The following SULT1B1 variants were observed in gnomAD, a reference collection of about 807,000 sequenced individuals.
SULT1B1 encodes sulfotransferase family 1B member 1, also known as sulfotransferase 1B1.
In SULT1B1, 28 loss-of-function variants were observed where a neutral mutation model predicts 34.6. That is an observed-to-expected ratio of 0.81 (90% CI 0.60 to 1.11). The LOEUF (loss-of-function observed/expected upper bound fraction) is 1.11. Ranked by LOEUF, SULT1B1 falls within the 50% of genes least tolerant of loss-of-function variation. The pLI, the probability that SULT1B1 is intolerant of heterozygous loss-of-function variation, is 0.00. For synonymous variants in SULT1B1, 147 were observed against 110.2 expected, an observed-to-expected ratio of 1.33 and a Z score of -2.09; for missense variants, 374 against 352.2, an observed-to-expected ratio of 1.06 and a Z score of -0.50.
chr4:69,746,702 C>T (rs1718760049), intron 4 of SULT1B1, among the ~76,000 whole-genome samples: 1 of 152,162 alleles, frequency 6.6e-6, no homozygotes, highest in Non-Finnish European at 1.5e-5. Flanking sequence ...GTCATTTCAA[C>T]AATTTCAATC....
At chr4:69,738,870 C>T (rs192209376) in intron 4 of SULT1B1, among the ~76,000 whole-genome samples, 2 of 152,224 alleles carry the variant, frequency 1.3e-5, no homozygotes, top group East Asian at 3.9e-4. Flanking sequence ...GGTATAGACA[C>T]CCATTCCAAA....
intron 1 of SULT1B1, among the ~76,000 whole-genome samples, chr4:69,759,698 A>G (rs2110035019): frequency 6.6e-6 from 1 of 152,362 alleles, no homozygotes; most frequent in Non-Finnish European, 1.5e-5. Context: ...ATGCTGAAAG[A>G]TGATTTATGA....
intron 6 of SULT1B1, among the ~76,000 whole-genome samples, chr4:69,732,158 T>A (rs1718104536): frequency 6.6e-6 from 1 of 152,214 alleles, no homozygotes; most frequent in South Asian, 2.1e-4. Context: ...TTTGCAGCTG[T>A]GTGGTATGAG....
chr4:69,748,994 G>GA (rs1301564890), intron 4 of SULT1B1, among the ~76,000 whole-genome samples: 1 of 151,786 alleles, frequency 6.6e-6, no homozygotes, highest in African/African-American at 2.4e-5. Context: ...TAGATGGAGA[G>GA]AAACGATAGA....
intron 5 of SULT1B1, 82 bp downstream of exon 5, chr4:69,734,056 A>G: frequency 1.7e-6 from 2 of 1,172,666 alleles, no homozygotes; most frequent in Non-Finnish European, 2.3e-6. Context: ...AAAAATAAGT[A>G]TTTTGAAAGT....
intron 1 of SULT1B1, among the ~76,000 whole-genome samples, chr4:69,757,012 A>G (rs978183949): frequency 3.3e-5 from 5 of 151,666 alleles, no homozygotes; most frequent in African/African-American, 7.3e-5. Flanking sequence ...GTAATTTTTC[A>G]TCAGACATCT....
intron 7 of SULT1B1, among the ~76,000 whole-genome samples, chr4:69,728,753 C>T (rs1013404850): frequency 6.6e-6 from 1 of 151,966 alleles, no homozygotes; most frequent in Non-Finnish European, 1.5e-5. Flanking sequence ...ATCCTAAATG[C>T]TTACATATAA....
chr4:69,735,481 A>G (rs1419292462), intron 4 of SULT1B1, among the ~76,000 whole-genome samples: 1 of 152,218 alleles, frequency 6.6e-6, no homozygotes, highest in Non-Finnish European at 1.5e-5. Context: ...GGGACATTCA[A>G]ACTCCTGCGA....
intron 4 of SULT1B1, among the ~76,000 whole-genome samples, chr4:69,739,300 A>G: frequency 6.6e-6 from 1 of 152,188 alleles, no homozygotes; most frequent in East Asian, 1.9e-4. Flanking sequence ...CCGCCCATGA[A>G]GCACACCTCT....
chr4:69,756,360 G>C (rs947260353), intron 1 of SULT1B1, among the ~76,000 whole-genome samples: 4 of 151,992 alleles, frequency 2.6e-5, no homozygotes, highest in Non-Finnish European at 5.9e-5. Context: ...AATTTTTTGT[G>C]TCAACCTGAC....
At chr4:69,734,061 G>T in intron 5 of SULT1B1, 77 bp downstream of exon 5, 1 of 1,190,500 alleles carries the variant, frequency 8.4e-7, no homozygotes, top group Admixed American at 3.3e-5. Context: ...TAAGTATTTT[G>T]AAAGTCATAA....
At position 69,724,951 on chromosome 4, in the gene SULT1B1, A is replaced by C. The variant is rs1316742631; in HGVS notation, c.*2137T>G. The C allele has an allele frequency of 5.3e-5, 8 of 152,212 alleles. No individual in the cohort carries two copies. Among genetic ancestry groups the C allele is most frequent in the Non-Finnish European group, 8.8e-5 (6 of 68,042 alleles). 9.4% of individuals were successfully genotyped at this position (152,212 alleles called of 1,614,324 possible). ...AAACCTAGGCAATATCATTCAGGACATAGGCATGGGCAAGGACTTCATGTC... is the reference window on the plus strand; with the variant it reads ...AAACCTAGGCAATATCATTCAGGACCTAGGCATGGGCAAGGACTTCATGTC... On this transcript the variant is annotated 3_prime_UTR_variant, in exon 8 of 8. Coordinates refer to ENST00000310613, the MANE Select transcript of SULT1B1 (RefSeq NM_014465.4).
At chr4:69,739,005 A>G (rs1718431322) in intron 4 of SULT1B1, among the ~76,000 whole-genome samples, 1 of 152,240 alleles carries the variant, frequency 6.6e-6, no homozygotes, top group Non-Finnish European at 1.5e-5. Flanking sequence ...CATCCAGATT[A>G]GGCTGATGTA....
At position 69,724,479 on chromosome 4, in the gene SULT1B1, T is replaced by C. The variant is rs1344608916; in HGVS notation, c.*2609A>G. The C allele has an allele frequency of 2.6e-5, 4 of 152,184 alleles. No homozygotes were observed. Among genetic ancestry groups the C allele is most frequent in the East Asian group, 1.9e-4 (1 of 5,200 alleles). 9.4% of individuals were successfully genotyped at this position (152,184 alleles called of 1,614,324 possible). The stretch of plus-strand genomic sequence containing the variant: ...ATTTATAGATTCAATGCCATCCCCA[T>C]TAAGCTACCAATGACTTTCTTCACA... On this transcript the variant is annotated 3_prime_UTR_variant, in exon 8 of 8. Transcript: ENST00000310613.
chr4:69,723,634 C>G lies in SULT1B1; in HGVS notation c.*3454G>C, dbSNP rs1388486694. 1 of 152,184 alleles carries G rather than the reference C, an allele frequency of 6.6e-6. No individual in the cohort carries two copies. Among genetic ancestry groups the G allele is most frequent in the Non-Finnish European group, 1.5e-5 (1 of 68,056 alleles). The allele number at this position is 152,184 out of a possible 1,614,324, so 9.4% of individuals were successfully genotyped here. A position where few individuals can be genotyped will look rare whatever the true frequency, so the allele number is the denominator to read the frequency against. ...TGATGCAAAAATCCTCAATAAAATACTGGCAAACCGAATCCAGCAGCACAT... is the reference window on the plus strand; with the variant it reads ...TGATGCAAAAATCCTCAATAAAATAGTGGCAAACCGAATCCAGCAGCACAT... On this transcript the variant is annotated 3_prime_UTR_variant, in exon 8 of 8. Coordinates refer to ENST00000310613, the MANE Select transcript of SULT1B1 (RefSeq NM_014465.4).
chr4:69,729,712 T>C (rs1717988588), intron 7 of SULT1B1, among the ~76,000 whole-genome samples: 1 of 152,072 alleles, frequency 6.6e-6, no homozygotes, highest in Non-Finnish European at 1.5e-5. Context: ...CATAATACAT[T>C]CCTAAGGCTA....
chr4:69,740,891 A>G (rs1560525351), intron 4 of SULT1B1, among the ~76,000 whole-genome samples: 1 of 152,280 alleles, frequency 6.6e-6, no homozygotes, highest in East Asian at 1.9e-4. Context: ...ATTTAATTTA[A>G]TTAGGTCCCT....
intron 6 of SULT1B1, among the ~76,000 whole-genome samples, chr4:69,732,319 A>G (rs1718113252): frequency 6.6e-6 from 1 of 152,214 alleles, no homozygotes; most frequent in East Asian, 1.9e-4. Context: ...CTAAGATACG[A>G]GAAACCCCTG....
chr4:69,759,428 G>C (rs1249812087), intron 1 of SULT1B1, among the ~76,000 whole-genome samples: 1 of 152,200 alleles, frequency 6.6e-6, no homozygotes, highest in Non-Finnish European at 1.5e-5. Context: ...AAAAAGGTCA[G>C]GCACTTCATG....
Sources: gnomAD v4.1 joint callset for allele counts (sites outside exome capture counted in the v4.1 genomes callset) on GRCh38, gnomAD v4.1.1 for gene constraint, MANE v1.5 for transcripts, NCBI Gene and HGNC (gene_info 2026-07-23, HGNC 2026-07-21) for gene names.